Variants in PTPN14 observed in about 807,000 individuals in gnomAD.
PTPN14 encodes protein tyrosine phosphatase non-receptor type 14, also known as tyrosine-protein phosphatase non-receptor type 14.
PTPN14 carries 53 observed loss-of-function variants against 126.8 expected under a neutral mutation model. The ratio of observed to expected loss-of-function variants is 0.42; its 90% CI spans 0.34 to 0.53. The LOEUF is 0.53. PTPN14 is among the 20% of genes least tolerant of loss of function. PTPN14 has a pLI of 0.08. For synonymous variants in PTPN14, 630 were observed against 599.3 expected (o/e 1.05, Z -0.75); for missense variants, 1,257 against 1,552.9 (o/e 0.81, Z 3.20).
intron 2 of PTPN14, 71 bp from the exon 3 acceptor site, chr1:214,452,045 A>C (rs747255590): frequency 1.3e-6 from 2 of 1,504,188 alleles, no homozygotes; most frequent in African/African-American, 1.4e-5. Flanking sequence ...AAGAAACGAG[A>C]CTCCAGCATG....
At chr1:214,372,620 G>A in intron 16 of PTPN14, 91 bp downstream of exon 16, 1 of 1,578,250 alleles carries the variant, frequency 6.3e-7, no homozygotes, top group Admixed American at 1.7e-5. Context: ...CAGGAAGAAG[G>A]ATAGGGTAGC....
At chr1:214,500,750 GA>G (rs890290093) in intron 1 of PTPN14, among the ~76,000 whole-genome samples, 21 of 149,000 alleles carry the variant, frequency 1.4e-4, no homozygotes, top group East Asian at 5.9e-4. Context: ...CATTAAAAAA[GA>G]AAAAAAAAAT....
At chr1:214,490,953 AAAGGAAGGAAGGAAGGGAAGGAAAGG>A (rs1192799745) in intron 1 of PTPN14, among the ~76,000 whole-genome samples, 9 of 64,124 alleles carry the variant, frequency 1.4e-4, no homozygotes, top group East Asian at 9.4e-4. Flanking sequence ...GAAAAGAAAG[AAAGGAAGGAAGGAAGGGAAGGAAAGG>A]AAGGAAGGAA....
chr1:214,527,366 C>T (rs938231611), intron 1 of PTPN14, among the ~76,000 whole-genome samples: 3 of 152,060 alleles, frequency 2.0e-5, no homozygotes, highest in Non-Finnish European at 2.9e-5. Flanking sequence ...ATTTATACTG[C>T]GAAGCCCTAA....
At chr1:214,427,104 C>T (rs1659683963) in intron 3 of PTPN14, among the ~76,000 whole-genome samples, 1 of 151,684 alleles carries the variant, frequency 6.6e-6, no homozygotes, top group Non-Finnish European at 1.5e-5. Flanking sequence ...CCTGGTAAAA[C>T]CCCATCTCTA....
intron 1 of PTPN14, among the ~76,000 whole-genome samples, chr1:214,469,647 T>C (rs1366548019): frequency 6.6e-6 from 1 of 151,492 alleles, no homozygotes; most frequent in Non-Finnish European, 1.5e-5. Flanking sequence ...GAGCCCTCAT[T>C]ATATTTACTG....
intron 13 of PTPN14, among the ~76,000 whole-genome samples, chr1:214,379,515 T>C (rs1658423808): frequency 6.6e-6 from 1 of 152,164 alleles, no homozygotes. Flanking sequence ...CAGAGGAGGT[T>C]ACTGGGAGAA....
At chr1:214,520,065 A>AAAATATATATATATATATATATATATAT in intron 1 of PTPN14, among the ~76,000 whole-genome samples, 1 of 71,110 alleles carries the variant, frequency 1.4e-5, no homozygotes, top group South Asian at 6.5e-4. Context: ...AAAAAAAAAA[A>AAAATATATATATATATATATATATATAT]ATATATATAT....
chr1:214,496,637 C>G (rs1480845639), intron 1 of PTPN14, among the ~76,000 whole-genome samples: 1 of 152,272 alleles, frequency 6.6e-6, no homozygotes, highest in Non-Finnish European at 1.5e-5. Flanking sequence ...CTCCTTACCC[C>G]CTACCCAAGT....
intron 1 of PTPN14, among the ~76,000 whole-genome samples, chr1:214,465,951 C>CTTTTTTTTTTTCTTTTTTT (rs1660625893): frequency 1.7e-5 from 1 of 59,024 alleles, no homozygotes; most frequent in Non-Finnish European, 2.9e-5. Flanking sequence ...CAGTTACTTC[C>CTTTTTTTTTTTCTTTTTTT]TTTTTTTTTT....
chr1:214,394,994 G>A lies in PTPN14; in HGVS notation c.759-8C>T. 6.2e-7 allele frequency: 1 copy of A among 1,602,414 alleles called. No individual in the cohort carries two copies. The highest frequency in any genetic ancestry group is 8.6e-7 in the Non-Finnish European group (1 of 1,169,588). On this transcript the variant is annotated splice_region_variant and splice_polypyrimidine_tract_variant and intron_variant, in intron 8 of 18. Transcript: ENST00000366956. Reference sequence around the variant, plus strand: ...TTCCCCATGTCATTCCACCTGGTTAGAAGAAATGTCACTGTGTTTACTCAA... The same window carrying A: ...TTCCCCATGTCATTCCACCTGGTTAAAAGAAATGTCACTGTGTTTACTCAA...
intron 7 of PTPN14, 85 bp from the exon 8 acceptor site, chr1:214,398,086 G>A: frequency 3.7e-6 from 4 of 1,087,852 alleles, no homozygotes; most frequent in Non-Finnish European, 5.6e-6. Flanking sequence ...GAATCGACCT[G>A]AGTGTCCATC....
At position 214,383,311 on chromosome 1, in the gene PTPN14, C is replaced by T. The variant is rs754577288; in HGVS notation, c.2544G>A (p.Arg848=). 2.2e-5 allele frequency: 36 copies of T among 1,608,124 alleles called. No individual in the cohort carries two copies. In the South Asian group the frequency reaches 4.0e-4, roughly 18 times the overall value. ...TGCCCTGGGAGAGGAGGACACTCAC[C>T]CTGATCATCATCTCTCTCTCTATAA... ...DSIIEREMMI[R]NLEKQKMAGL... Residue 848 remains arginine (R), a splice_region_variant and synonymous_variant, in exon 13 of 19, where the codon AGG becomes AGA. Coordinates refer to ENST00000366956, the MANE Select transcript of PTPN14 (RefSeq NM_005401.5). This position sits in a 1 kb window ranked among gnomAD's most constrained non-coding sequence, Gnocchi z 4.4.
At chr1:214,385,334 A>C (rs1416361671) in intron 12 of PTPN14, among the ~76,000 whole-genome samples, 1 of 152,218 alleles carries the variant, frequency 6.6e-6, no homozygotes, top group East Asian at 1.9e-4. Flanking sequence ...GTTCATCCTG[A>C]GCAGCAATAA....
At chr1:214,469,066 A>G (rs1013037968) in intron 1 of PTPN14, among the ~76,000 whole-genome samples, 6 of 152,238 alleles carry the variant, frequency 3.9e-5, no homozygotes, top group Non-Finnish European at 7.3e-5. Context: ...ATGCTTCTGG[A>G]AAGAACTTTC....
chr1:214,549,805 T>G (rs1656061489), intron 1 of PTPN14, among the ~76,000 whole-genome samples: 1 of 152,168 alleles, frequency 6.6e-6, no homozygotes, highest in African/African-American at 2.4e-5. Flanking sequence ...TGTATCCAAT[T>G]AGGGAGGCCT....
intron 1 of PTPN14, among the ~76,000 whole-genome samples, chr1:214,546,574 A>C (rs546756168): frequency 6.6e-6 from 1 of 152,304 alleles, no homozygotes; most frequent in South Asian, 2.1e-4. Flanking sequence ...TTCAGCACTA[A>C]AATCTCAAAC....
chr1:214,395,811 C>T (rs992681634), intron 8 of PTPN14, among the ~76,000 whole-genome samples: 1 of 152,104 alleles, frequency 6.6e-6, no homozygotes, highest in African/African-American at 2.4e-5. Context: ...CTTTTTCACT[C>T]ATATGATGCG....
intron 18 of PTPN14, 108 bp from the exon 19 acceptor site, chr1:214,358,158 C>T (rs1202974267): frequency 3.8e-6 from 5 of 1,329,018 alleles, no homozygotes; most frequent in African/African-American, 2.9e-5. Context: ...TGTCCAGGTA[C>T]AAGAGAAGGC....
Sources: allele counts gnomAD v4.1 joint callset (sites outside exome capture counted in the v4.1 genomes callset), GRCh38; gene constraint gnomAD v4.1.1; non-coding constraint Gnocchi (gnomAD v3.1); transcripts MANE v1.5; gene names NCBI Gene and HGNC (gene_info 2026-07-23, HGNC 2026-07-21).